Variants in TTC23 observed in about 807,000 individuals in gnomAD.
The protein encoded by TTC23 is tetratricopeptide repeat protein 23.
In TTC23, 58 loss-of-function variants were observed where a neutral mutation model predicts 55.1. The observed-to-expected ratio is 1.05, with a 90% CI of 0.85 to 1.31. The LOEUF is 1.31. TTC23 is among the 50% of genes most tolerant of loss of function. The pLI is 0.00. For synonymous variants in TTC23, 203 were observed against 199.9 expected, an observed-to-expected ratio of 1.02 and a Z score of -0.13; for missense variants, 516 against 534.4, an observed-to-expected ratio of 0.97 and a Z score of 0.34.
intron 8 of TTC23, among the ~76,000 whole-genome samples, chr15:99,208,572 G>A (rs2076801700): frequency 6.6e-6 from 1 of 152,064 alleles, no homozygotes; most frequent in African/African-American, 2.4e-5. Flanking sequence ...CACCTCCTCA[G>A]GTTGCTGTTG....
At chr15:99,182,599 T>A (rs193216006) in intron 9 of TTC23, among the ~76,000 whole-genome samples, 1 of 152,352 alleles carries the variant, frequency 6.6e-6, no homozygotes, top group East Asian at 1.9e-4. Context: ...TCATTTTTAC[T>A]CTGTCAAATT....
intron 12 of TTC23, among the ~76,000 whole-genome samples, chr15:99,154,336 T>C (rs1247425856): frequency 6.6e-6 from 1 of 152,232 alleles, no homozygotes; most frequent in Non-Finnish European, 1.5e-5. Flanking sequence ...GGTTTGAATG[T>C]GCCTCCCAAA....
intron 9 of TTC23, among the ~76,000 whole-genome samples, chr15:99,191,966 G>A (rs978225352): frequency 6.6e-6 from 1 of 152,188 alleles, no homozygotes; most frequent in African/African-American, 2.4e-5. Flanking sequence ...GAACTTGTTG[G>A]GAATTGGAGC....
Position 99,155,952 on chromosome 15 carries a change from A to G in TTC23, c.1143+196T>C, listed in dbSNP as rs2070483531. On this transcript the variant is annotated intron_variant, in intron 12 of 13. Transcript: ENST00000394132. ...TAAAAACTGATAATTCATTTAAAAA[A>G]TATGTATGTCTAAGAGGCTTACTAT... 4.8e-6 allele frequency: 3 copies of G among 623,322 alleles called. No individual in the cohort carries two copies. In the Admixed American group the frequency reaches 9.2e-5, roughly 19 times the overall value. The allele number at this position is 623,322 out of a possible 1,614,324, so 38.6% of individuals were successfully genotyped here. A position where few individuals can be genotyped will look rare whatever the true frequency, so the allele number is the denominator to read the frequency against.
At chr15:99,174,170 C>T (rs1350974646) in intron 10 of TTC23, among the ~76,000 whole-genome samples, 1 of 152,110 alleles carries the variant, frequency 6.6e-6, no homozygotes, top group Non-Finnish European at 1.5e-5. Context: ...GGATAAATGC[C>T]GATGCCCCCT....
chr15:99,147,377 C>T (rs1335114538), intron 12 of TTC23, among the ~76,000 whole-genome samples: 4 of 152,174 alleles, frequency 2.6e-5, no homozygotes, highest in Admixed American at 6.5e-5. Flanking sequence ...AGGCGCCCGC[C>T]ACCACACCCG....
intron 5 of TTC23, among the ~76,000 whole-genome samples, chr15:99,226,856 T>A (rs1033291593): frequency 2.2e-4 from 33 of 152,228 alleles, no homozygotes; most frequent in Admixed American, 2.2e-3. Flanking sequence ...TATCACAGTC[T>A]ATAATAATCC....
intron 9 of TTC23, among the ~76,000 whole-genome samples, chr15:99,190,169 G>C (rs1261165559): frequency 7.0e-6 from 1 of 142,636 alleles, no homozygotes; most frequent in African/African-American, 2.7e-5. Context: ...GACAAAGCAA[G>C]ACCTGTCTAA....
intron 8 of TTC23, among the ~76,000 whole-genome samples, chr15:99,204,856 G>A (rs1341507106): frequency 1.3e-5 from 2 of 151,930 alleles, no homozygotes; most frequent in Non-Finnish European, 2.9e-5. Flanking sequence ...GACTGGTCTT[G>A]AACTCCTGTG....
At chr15:99,139,615 ACT>A (rs1428172634) in intron 12 of TTC23, 23 of 1,518,958 alleles carry the variant, frequency 1.5e-5, no homozygotes, top group South Asian at 6.1e-5. Flanking sequence ...ATTTCACAAA[ACT>A]CTCTGTGACT....
At chr15:99,170,683 G>A (rs1368760370) in intron 10 of TTC23, among the ~76,000 whole-genome samples, 2 of 152,260 alleles carry the variant, frequency 1.3e-5, no homozygotes, top group African/African-American at 4.8e-5. Flanking sequence ...GGAGGCAGCA[G>A]AGGCCTGGAG....
At chr15:99,190,804 G>A (rs1399690128) in intron 9 of TTC23, among the ~76,000 whole-genome samples, 1 of 151,688 alleles carries the variant, frequency 6.6e-6, no homozygotes, top group Non-Finnish European at 1.5e-5. Context: ...TTTTGAGACA[G>A]GGTGAAGTGC....
rs782614757 is a variant in TTC23, at chr15:99,149,080, C to T, written c.1143+7068G>A. Among the ~76,000 whole-genome samples the T allele has an allele frequency of 5.3e-5, 8 of 152,180 alleles. No individual in the cohort carries two copies. The East Asian group carries it at 5.8e-4, about 11-fold the overall frequency. ...CTGTGATAAACACGAGAGCCACCGT[C>T]GCCGGGTGGTGCTTAGCTCTAGGAA... On this transcript the variant is annotated intron_variant, in intron 12 of 13. Transcript: ENST00000394132.
At chr15:99,227,402 G>A (rs1261723458) in intron 5 of TTC23, among the ~76,000 whole-genome samples, 1 of 152,132 alleles carries the variant, frequency 6.6e-6, no homozygotes, top group African/African-American at 2.4e-5. Flanking sequence ...TATTGTCTCT[G>A]CCACACGTAG....
chr15:99,181,822 G>A (rs1368903829), intron 9 of TTC23, among the ~76,000 whole-genome samples: 1 of 152,162 alleles, frequency 6.6e-6, no homozygotes, highest in Non-Finnish European at 1.5e-5. Context: ...GTCACTGGGA[G>A]CAGAGAGCAT....
intron 9 of TTC23, among the ~76,000 whole-genome samples, chr15:99,196,261 G>C (rs896012665): frequency 2.0e-5 from 3 of 152,018 alleles, no homozygotes; most frequent in African/African-American, 2.4e-5. Context: ...AGCTGGCATG[G>C]TTTGTACAAA....
intron 8 of TTC23, among the ~76,000 whole-genome samples, chr15:99,204,434 T>A (rs2076439890): frequency 6.6e-6 from 1 of 152,074 alleles, no homozygotes; most frequent in Non-Finnish European, 1.5e-5. Flanking sequence ...TTCTGTGGAT[T>A]GTTTCTTCAC....
intron 12 of TTC23, 100 bp from the exon 13 acceptor site, chr15:99,139,499 G>T: frequency 6.4e-7 from 1 of 1,568,692 alleles, no homozygotes; most frequent in Non-Finnish European, 8.7e-7. Context: ...CTCATTCTTA[G>T]GCCCTGCTGT....
intron 9 of TTC23, among the ~76,000 whole-genome samples, chr15:99,198,800 TA>T (rs2075958895): frequency 6.6e-6 from 1 of 152,136 alleles, no homozygotes; most frequent in Non-Finnish European, 1.5e-5. Context: ...TCAGACAAAT[TA>T]AAATAAGAAA....
Sources: gnomAD v4.1 joint callset for allele counts (sites outside exome capture counted in the v4.1 genomes callset) on GRCh38, gnomAD v4.1.1 for gene constraint, MANE v1.5 for transcripts, NCBI Gene and HGNC (gene_info 2026-07-23, HGNC 2026-07-21) for gene names.